Variants in SLC12A9 observed in about 807,000 individuals in gnomAD.
SLC12A9 encodes solute carrier family 12 member 9, also known as CCC-interacting protein 1.
SLC12A9 carries 55 observed loss-of-function variants against 66.0 expected under a neutral mutation model. The observed-to-expected ratio is 0.83, with a 90% confidence interval of 0.67 to 1.04. The LOEUF is 1.04. SLC12A9 is among the 50% of genes least tolerant of loss of function. The probability of loss-of-function intolerance (pLI) is 0.00; values close to 1 mark genes in which losing one functional copy is unlikely to be tolerated. For missense variants in SLC12A9, 1,061 were observed against 1,241.9 expected, an observed-to-expected ratio of 0.85 and a Z score of 2.19; for synonymous variants, 577 against 569.0, an observed-to-expected ratio of 1.01 and a Z score of -0.20.
chr7:100,827,601 A>C (rs1813450243), intron 1 of SLC12A9: 1 of 152,068 alleles, frequency 6.6e-6, no homozygotes, highest in African/African-American at 2.4e-5. Flanking sequence ...GGGCTCCGCG[A>C]GTGAGCCCCG....
intron 1 of SLC12A9, among the ~76,000 whole-genome samples, chr7:100,828,837 C>G (rs1813483954): frequency 6.6e-6 from 1 of 152,162 alleles, no homozygotes; most frequent in African/African-American, 2.4e-5. Flanking sequence ...CCAGCACAGC[C>G]GTGCTCCTCC....
At chr7:100,851,468 G>C (rs1468908212), upstream of SLC12A9, among the ~76,000 whole-genome samples, 2 of 145,362 alleles carry the variant, frequency 1.4e-5, no homozygotes, top group Non-Finnish European at 3.0e-5. Flanking sequence ...CTGTTGCCCT[G>C]GCTGGAGTGC....
At chr7:100,857,227 C>T (rs761392388) in intron 5 of SLC12A9, 51 bp downstream of exon 5, 36 of 1,564,724 alleles carry the variant, frequency 2.3e-5, no homozygotes, top group African/African-American at 6.7e-5. Context: ...GGTGGGCAGA[C>T]GTCGGGCCGG....
chr7:100,858,642 A>C, intron 5 of SLC12A9, 193 bp from the exon 6 acceptor site: 1 of 572,140 alleles, frequency 1.7e-6, no homozygotes, highest in East Asian at 3.0e-5. Flanking sequence ...GGAGGGAGGA[A>C]TATCGGAGCA....
chr7:100,835,393 T>C (rs1267283697), intron 1 of SLC12A9, among the ~76,000 whole-genome samples: 1 of 147,844 alleles, frequency 6.8e-6, no homozygotes, highest in Non-Finnish European at 1.5e-5. Flanking sequence ...CGCTCATGCC[T>C]GTAATCCCAG....
In SLC12A9 at chr7:100,856,945, G is replaced by A. The variant is rs752416781; in HGVS notation, c.526G>A (p.Gly176Ser). The A allele has an allele frequency of 3.1e-6, 5 of 1,613,326 alleles. No homozygotes were observed. The East Asian group carries it at 6.7e-5, about 22-fold the overall frequency. Residue 176 changes from glycine to serine, a missense_variant, in exon 5 of 14, where the codon GGC (glycine) becomes AGC (serine). Coordinates refer to ENST00000354161, the MANE Select transcript of SLC12A9 (RefSeq NM_020246.4). ...CCTGCTGTATGGCTCCCTGCTGCTG[G>A]GCCTTGTGGGTGGGGTCTGCACCCT... ...WNLLYGSLLLGLVGGVCTLGA... is the reference protein window; with the variant it reads ...WNLLYGSLLLSLVGGVCTLGA...
chr7:100,854,527 G>T (rs1386949628), intron 2 of SLC12A9, 93 bp from the exon 3 acceptor site: 6 of 1,598,406 alleles, frequency 3.8e-6, no homozygotes, highest in Non-Finnish European at 5.1e-6. Context: ...CTGTGGGCTT[G>T]CATTTAGCTC....
Position 100,866,821 on chromosome 7 carries a change from G to A in SLC12A9, c.*216G>A, listed in dbSNP as rs1267076344. On this transcript the variant is annotated 3_prime_UTR_variant, in exon 14 of 14. Transcript: ENST00000354161. The surrounding 1 kb of genome is among the most constrained non-coding windows in gnomAD (Gnocchi z 7.3). ...CTAACTCTGGGTGGCTGTCCCCACCGTGCAGGGGAGGGAGTCCGCAGCCTC... is the reference window on the plus strand; with the variant it reads ...CTAACTCTGGGTGGCTGTCCCCACCATGCAGGGGAGGGAGTCCGCAGCCTC... The A allele has an allele frequency of 1.0e-5, 5 of 480,574 alleles. No individual in the cohort carries two copies. Among genetic ancestry groups the A allele is most frequent in the East Asian group, 3.4e-5 (1 of 29,092 alleles). 29.8% of individuals were successfully genotyped at this position (480,574 alleles called of 1,614,324 possible). A position where few individuals can be genotyped will look rare whatever the true frequency, so the allele number is the denominator to read the frequency against.
chr7:100,857,834 G>C (rs1184234871), intron 5 of SLC12A9: 1 of 152,388 alleles, frequency 6.6e-6, no homozygotes, highest in Admixed American at 6.5e-5. Context: ...GATTGAACCC[G>C]GGAGGAGGAG....
intron 7 of SLC12A9, 139 bp downstream of exon 7, chr7:100,859,300 T>G: frequency 1.3e-6 from 1 of 766,480 alleles, no homozygotes; most frequent in Non-Finnish European, 2.2e-6. Context: ...ATTGACAACC[T>G]ATAGCCAGCA....
At position 100,866,630 on chromosome 7, in the gene SLC12A9, G is replaced by A. The variant is rs1354376703; in HGVS notation, c.*25G>A. The A allele has an allele frequency of 6.6e-7, 1 of 1,506,542 alleles. No individual in the cohort carries two copies. The highest frequency in any genetic ancestry group is 2.2e-5 in the Admixed American group (1 of 46,192). The allele number at this position is 1,506,542 out of a possible 1,614,324, so 93.3% of individuals were successfully genotyped here. ...ATGCCCCTGCCTCCAGGGCTAGGTA[G>A]AGAGGGCCCAGGCAGGCGGCCTATC... On this transcript the variant is annotated 3_prime_UTR_variant, in exon 14 of 14. Transcript: ENST00000354161. The surrounding 1 kb of genome is among the most constrained non-coding windows in gnomAD (Gnocchi z 7.3).
At chr7:100,833,932 C>CAAAAAAAAAAAAAAAAAA (rs60667059) in intron 1 of SLC12A9, among the ~76,000 whole-genome samples, 1 of 63,076 alleles carries the variant, frequency 1.6e-5, no homozygotes, top group Non-Finnish European at 3.1e-5. Context: ...GACTCTGTCT[C>CAAAAAAAAAAAAAAAAAA]AAAAAAAAAA....
At position 100,839,280 on chromosome 7, in the gene SLC12A9, C is replaced by T. The variant is rs575414204; in HGVS notation, n.228+12233C>T. ...GCAGAGCTGCAGTGAGCCGAGATCACGCCACTGCACTCCAGCCTGGGCGAC... is the reference window on the plus strand; with the variant it reads ...GCAGAGCTGCAGTGAGCCGAGATCATGCCACTGCACTCCAGCCTGGGCGAC... On this transcript the variant is annotated intron_variant and non_coding_transcript_variant, in intron 1 of 1. Transcript: ENST00000461016. Among the ~76,000 whole-genome samples the T allele has an allele frequency of 9.2e-5, 14 of 151,970 alleles. No individual in the cohort carries two copies. The East Asian group carries it at 1.6e-3, about 17-fold the overall frequency.
chr7:100,847,075 G>A (rs542692596), intron 1 of SLC12A9, among the ~76,000 whole-genome samples: 134 of 152,182 alleles, frequency 8.8e-4, no homozygotes, highest in African/African-American at 2.5e-3. Flanking sequence ...TTGCTCACTC[G>A]AGGAGCTTGG....
At chr7:100,838,807 G>A (rs556776201) in intron 1 of SLC12A9, among the ~76,000 whole-genome samples, 3 of 152,204 alleles carry the variant, frequency 2.0e-5, no homozygotes, top group East Asian at 1.9e-4. Context: ...CAGACAGCCC[G>A]GTGCCATAAC....
chr7:100,859,521 G>T, intron 7 of SLC12A9: 1 of 369,392 alleles, frequency 2.7e-6, no homozygotes. Flanking sequence ...TTCCAGACCA[G>T]CCTGGGCAAC....
intron 1 of SLC12A9, chr7:100,827,369 C>G (rs977156784): frequency 2.6e-5 from 4 of 151,044 alleles, no homozygotes; most frequent in East Asian, 1.9e-4. Flanking sequence ...GTCTCCCCCC[C>G]TCCCTGGAGT....
chr7:100,854,399 G>A lies in SLC12A9; in HGVS notation c.181+21G>A, dbSNP rs202246969. The A allele has an allele frequency of 2.7e-5, 44 of 1,610,844 alleles. No homozygotes were observed. The African/African-American group carries it at 4.3e-4, about 16-fold the overall frequency. On this transcript the variant is annotated intron_variant, in intron 2 of 13. Transcript: ENST00000354161. ...GATTGGTGAGTGGGTCCTGGGGCGG[G>A]TGTGGACTGACTATAGTATGGGAGG...
chr7:100,861,147 C>T lies in SLC12A9; in HGVS notation c.1228C>T (p.Leu410=), dbSNP rs1376848103. 1 of 1,614,224 alleles carries T rather than the reference C, an allele frequency of 6.2e-7. No individual in the cohort carries two copies. The highest frequency in any genetic ancestry group is 1.1e-5 in the South Asian group (1 of 91,086). ...CTTGGCCCTTGCCCAGCTGGTGCTC[C>T]TGGCTGGGAAGCTGAACACACTGGC... ...YSWGLVQLVL[L]AGKLNTLAAV... is the part of the protein sequence containing the mutation. The change falls in exon 10 of 14, where the codon CTG becomes TTG. Residue 410 remains leucine, a synonymous_variant. Transcript: ENST00000354161. This position sits in a 1 kb window ranked among gnomAD's most constrained non-coding sequence, Gnocchi z 5.3.
Sources: gnomAD v4.1 joint callset for allele counts (sites outside exome capture counted in the v4.1 genomes callset) on GRCh38, gnomAD v4.1.1 for gene constraint, Gnocchi (gnomAD v3.1) non-coding constraint, MANE v1.5 for transcripts, NCBI Gene and HGNC (gene_info 2026-07-23, HGNC 2026-07-21) for gene names.